The following ERBB4 variants were observed in gnomAD, a reference collection of about 807,000 sequenced individuals.
ERBB4 encodes the protein receptor tyrosine-protein kinase erbB-4.
A neutral mutation model predicts 158.0 loss-of-function variants in ERBB4; 42 were observed. The ratio of observed to expected loss-of-function variants is 0.27; its 90% CI spans 0.21 to 0.34. The LOEUF (loss-of-function observed/expected upper bound fraction) is 0.34, where lower values mean the gene tolerates loss of function less well. Ranked by LOEUF, ERBB4 falls within the 10% of genes least tolerant of loss-of-function variation. ERBB4 has a pLI of 1.00. For synonymous variants in ERBB4, 583 were observed against 558.7 expected (o/e 1.04, Z -0.61); for missense variants, 1,333 against 1,624.1 (o/e 0.82, Z 3.08).
At chr2:211,996,745 A>T (rs570620172) in intron 2 of ERBB4, among the ~76,000 whole-genome samples, 16 of 152,314 alleles carry the variant, frequency 1.1e-4, no homozygotes, top group Non-Finnish European at 2.2e-4. Flanking sequence ...AGAATTCTTC[A>T]CAAGTTTGGT....
At chr2:211,548,021 T>A (rs1439599821) in intron 20 of ERBB4, among the ~76,000 whole-genome samples, 1 of 152,118 alleles carries the variant, frequency 6.6e-6, no homozygotes, top group Admixed American at 6.6e-5. Context: ...GAAACCTTCA[T>A]ATTTCATGCA....
intron 1 of ERBB4, among the ~76,000 whole-genome samples, chr2:212,178,190 T>C (rs2081737971): frequency 6.6e-6 from 1 of 151,788 alleles, no homozygotes; most frequent in Admixed American, 6.6e-5. Context: ...CAATGATAAG[T>C]CACTGAAGGC....
chr2:212,414,992 C>T (rs2091611440), intron 1 of ERBB4, among the ~76,000 whole-genome samples: 1 of 152,206 alleles, frequency 6.6e-6, no homozygotes, highest in Non-Finnish European at 1.5e-5. Context: ...GATGCTAATT[C>T]AACTAGGAGT....
intron 16 of ERBB4, among the ~76,000 whole-genome samples, chr2:211,643,579 T>G (rs997976284): frequency 9.9e-5 from 15 of 152,098 alleles, no homozygotes; most frequent in African/African-American, 3.6e-4. Context: ...GTCAAATGCA[T>G]CATCTCAAGA....
intron 2 of ERBB4, among the ~76,000 whole-genome samples, chr2:212,120,352 CTGTG>C (rs2079710479): frequency 6.6e-6 from 1 of 152,148 alleles, no homozygotes; most frequent in African/African-American, 2.4e-5. Context: ...CATACCTGGC[CTGTG>C]TGTGAGGTCA....
At chr2:211,951,088 G>T (rs1480490796) in intron 2 of ERBB4, among the ~76,000 whole-genome samples, 1 of 152,138 alleles carries the variant, frequency 6.6e-6, no homozygotes, top group Non-Finnish European at 1.5e-5. Flanking sequence ...GATGGAGGGT[G>T]TATTATGACT....
intron 1 of ERBB4, among the ~76,000 whole-genome samples, chr2:212,516,121 A>C (rs913388544): frequency 6.6e-6 from 1 of 151,974 alleles, no homozygotes; most frequent in Non-Finnish European, 1.5e-5. Context: ...TGTAAGTAGT[A>C]CTATAGACAC....
intron 1 of ERBB4, among the ~76,000 whole-genome samples, chr2:212,166,240 T>C (rs2081343301): frequency 6.6e-6 from 1 of 152,096 alleles, no homozygotes; most frequent in Non-Finnish European, 1.5e-5. Flanking sequence ...TCAGCTTTAT[T>C]ATTAGGGATC....
chr2:212,215,229 T>C (rs1037217491), intron 1 of ERBB4, among the ~76,000 whole-genome samples: 4 of 151,536 alleles, frequency 2.6e-5, no homozygotes, highest in African/African-American at 4.8e-5. Context: ...TGTCCATATG[T>C]AGTAGTTGAA....
chr2:212,291,636 C>A (rs1208189257), intron 1 of ERBB4, among the ~76,000 whole-genome samples: 1 of 151,990 alleles, frequency 6.6e-6, no homozygotes, highest in African/African-American at 2.4e-5. Flanking sequence ...ATCTGTAGCA[C>A]AATGCTGGAC....
intron 2 of ERBB4, among the ~76,000 whole-genome samples, chr2:211,963,265 T>C (rs2081228991): frequency 6.6e-6 from 1 of 152,004 alleles, no homozygotes; most frequent in Non-Finnish European, 1.5e-5. Context: ...GTAGACATCA[T>C]ACATGCACCA....
chr2:211,920,349 A>G (rs935387478), intron 3 of ERBB4, among the ~76,000 whole-genome samples: 2 of 151,964 alleles, frequency 1.3e-5, no homozygotes, highest in Non-Finnish European at 2.9e-5. Flanking sequence ...TATTTTCATT[A>G]CTAAAATTGA....
At chr2:212,220,309 G>T (rs1374583149) in intron 1 of ERBB4, among the ~76,000 whole-genome samples, 3 of 151,320 alleles carry the variant, frequency 2.0e-5, no homozygotes, top group Non-Finnish European at 4.4e-5. Flanking sequence ...AATGTCACAG[G>T]AGACTGGAAG....
chr2:212,151,226 T>C (rs2125628448), intron 1 of ERBB4, among the ~76,000 whole-genome samples: 1 of 151,636 alleles, frequency 6.6e-6, no homozygotes, highest in Non-Finnish European at 1.5e-5. Flanking sequence ...TTCTAATCTC[T>C]TTGTTAAGCA....
intron 1 of ERBB4, among the ~76,000 whole-genome samples, chr2:212,189,082 T>G (rs56372604): frequency 0.44 from 45,276 of 102,518 alleles, 10,286 homozygotes; most frequent in East Asian, 0.61. Flanking sequence ...ACTTTTTTTT[T>G]GGGGGGGGGG....
chr2:212,268,672 G>A (rs1248512882), intron 1 of ERBB4, among the ~76,000 whole-genome samples: 1 of 151,794 alleles, frequency 6.6e-6, no homozygotes, highest in Non-Finnish European at 1.5e-5. Flanking sequence ...TATATTGTAG[G>A]AGGAAAGCAG....
chr2:212,049,541 G>A (rs1159682434), intron 2 of ERBB4, among the ~76,000 whole-genome samples: 1 of 152,080 alleles, frequency 6.6e-6, no homozygotes, highest in Non-Finnish European at 1.5e-5. Flanking sequence ...ACTACGTTAT[G>A]ACAGTGTATG....
intron 20 of ERBB4, among the ~76,000 whole-genome samples, chr2:211,532,910 G>A (rs973936072): frequency 5.3e-5 from 8 of 151,412 alleles, no homozygotes; most frequent in Non-Finnish European, 7.4e-5. Flanking sequence ...ATAAACTTTC[G>A]TATCTTTTTC....
intron 2 of ERBB4, among the ~76,000 whole-genome samples, chr2:212,100,294 GAGGA>G (rs2125514944): frequency 6.6e-6 from 1 of 152,302 alleles, no homozygotes; most frequent in Admixed American, 6.5e-5. Flanking sequence ...GTGATGAAGA[GAGGA>G]CAGGTGAAAC....
Sources: allele counts gnomAD v4.1 joint callset (sites outside exome capture counted in the v4.1 genomes callset), GRCh38; gene constraint gnomAD v4.1.1; transcripts MANE v1.5; gene names NCBI Gene and HGNC (gene_info 2026-07-23, HGNC 2026-07-21).